The following CACNA1C variants were observed in gnomAD, a reference collection of about 807,000 sequenced individuals.
CACNA1C encodes voltage-dependent L-type calcium channel subunit alpha-1C.
A neutral mutation model predicts 229.0 loss-of-function variants in CACNA1C; 30 were observed. The observed-to-expected ratio is 0.13, with a 90% CI of 0.10 to 0.18. CACNA1C has a LOEUF of 0.18. Ranked by LOEUF, CACNA1C falls within the 10% of genes least tolerant of loss-of-function variation. The pLI, the probability that CACNA1C is intolerant of heterozygous loss-of-function variation, is 1.00. For synonymous variants in CACNA1C, 1,114 were observed against 1,132.5 expected (o/e 0.98, Z 0.33); for missense variants, 1,658 against 2,845.0 (o/e 0.58, Z 9.49).
chr12:1,979,670 G>A lies in CACNA1C; in HGVS notation c.139+8469G>A, dbSNP rs2035555152. 2.0e-5 allele frequency among the ~76,000 whole-genome samples: 3 copies of A among 152,354 alleles called. No homozygotes were observed. The South Asian group carries it at 6.2e-4, about 32-fold the overall frequency. On this transcript the variant is annotated intron_variant, in intron 1 of 46. Transcript: ENST00000682462. ...TTGTTGGATCATACGCTAGTTATAT[G>A]TTTAAGTTTATGAGAAATTGCCAAA...
chr12:2,121,022 G>A (rs989298005), intron 3 of CACNA1C, among the ~76,000 whole-genome samples: 1 of 152,188 alleles, frequency 6.6e-6, no homozygotes, highest in Non-Finnish European at 1.5e-5. Context: ...GGAAAAAGTG[G>A]AGAGTGTGTT....
At position 2,648,419 on chromosome 12, in the gene CACNA1C, C is replaced by T. The variant is rs371990932; in HGVS notation, c.3913-56C>T. The T allele has an allele frequency of 1.4e-4, 217 of 1,529,140 alleles. 1 individual carries two copies. Among genetic ancestry groups the T allele is most frequent in the Non-Finnish European group, 1.8e-4 (198 of 1,102,742 alleles). The allele number at this position is 1,529,140 out of a possible 1,614,324, so 94.7% of individuals were successfully genotyped here. ...CCGTGTCAGCCAAGACCTAGAATAC[C>T]GGGCATCTTCATGGGAGACTCATTA... is the stretch of plus-strand genomic sequence containing the variant. On this transcript the variant is annotated intron_variant, in intron 30 of 46. Transcript: ENST00000399655.
At chr12:2,553,190 G>A (rs1000630686) in intron 10 of CACNA1C, among the ~76,000 whole-genome samples, 2 of 152,158 alleles carry the variant, frequency 1.3e-5, no homozygotes, top group South Asian at 2.1e-4. Context: ...CTCGTCCTCT[G>A]GGAAAAAGAA....
chr12:2,005,476 A>G (rs984880516), intron 1 of CACNA1C, among the ~76,000 whole-genome samples: 13 of 152,258 alleles, frequency 8.5e-5, no homozygotes, highest in African/African-American at 2.9e-4. Flanking sequence ...GAAAATAAAT[A>G]AAGTGTGCCT....
At chr12:2,106,867 G>A (rs1338263270) in intron 1 of CACNA1C, among the ~76,000 whole-genome samples, 19 of 69,254 alleles carry the variant, frequency 2.7e-4, no homozygotes, top group Middle Eastern at 8.5e-3. Context: ...CCCTGGAGAG[G>A]GTTTCCACCT....
chr12:2,239,136 C>T (rs940641478), intron 3 of CACNA1C, among the ~76,000 whole-genome samples: 8 of 152,140 alleles, frequency 5.3e-5, no homozygotes, highest in East Asian at 3.8e-4. Context: ...GGAAAGCGTC[C>T]GTGGGCAGGG....
chr12:2,154,571 T>C (rs551113750), intron 3 of CACNA1C, among the ~76,000 whole-genome samples: 198 of 152,234 alleles, frequency 1.3e-3, no homozygotes, highest in Non-Finnish European at 2.6e-3. Flanking sequence ...TGGAGTCCTG[T>C]GTTTGCAGCT....
intron 9 of CACNA1C, among the ~76,000 whole-genome samples, chr12:2,538,685 C>G (rs1330280833): frequency 6.6e-6 from 1 of 152,172 alleles, no homozygotes; most frequent in African/African-American, 2.4e-5. Flanking sequence ...ATTAGAGACT[C>G]CTAAGACTCC....
At chr12:2,249,348 G>A (rs772458404) in intron 3 of CACNA1C, among the ~76,000 whole-genome samples, 5 of 152,176 alleles carry the variant, frequency 3.3e-5, no homozygotes, top group African/African-American at 4.8e-5. Flanking sequence ...ATAGCCACAC[G>A]TATCCATTTA....
rs1210863461 is a variant in CACNA1C, at chr12:2,665,381, G to A, written c.4399-200G>A. Among the ~76,000 whole-genome samples the A allele has an allele frequency of 6.6e-6, 1 of 152,162 alleles. No homozygotes were observed. Among genetic ancestry groups the A allele is most frequent in the African/African-American group, 2.4e-5 (1 of 41,452 alleles). On this transcript the variant is annotated intron_variant, in intron 35 of 46. Coordinates refer to ENST00000399655, the MANE Select transcript of CACNA1C (RefSeq NM_000719.7). This position sits in a 1 kb window ranked among gnomAD's most constrained non-coding sequence, Gnocchi z 5.9. ...GAGGGAAGCTGTCCAGCCCACCTGT[G>A]GGTTCATCACACACAACTCTCAGGG...
intron 21 of CACNA1C, among the ~76,000 whole-genome samples, chr12:2,598,766 G>A (rs2070149117): frequency 6.6e-6 from 1 of 152,176 alleles, no homozygotes; most frequent in Non-Finnish European, 1.5e-5. Flanking sequence ...ATTGAATGGG[G>A]CAGTTTTTAT....
chr12:2,079,344 A>C (rs940303399), intron 1 of CACNA1C, among the ~76,000 whole-genome samples: 2 of 152,228 alleles, frequency 1.3e-5, no homozygotes, highest in African/African-American at 4.8e-5. Flanking sequence ...ACAATTTACC[A>C]TAGACTGGGT....
rs1433081295 is a variant in CACNA1C, at chr12:2,646,712, AGG to A, written c.3913-1762_3913-1761del. Among the ~76,000 whole-genome samples, 1 of 151,924 alleles carries A rather than the reference AGG, an allele frequency of 6.6e-6. No homozygotes were observed. The highest frequency in any genetic ancestry group is 1.5e-5 in the Non-Finnish European group (1 of 68,000). On this transcript the variant is annotated intron_variant, in intron 30 of 46. Transcript: ENST00000399655. This position sits in a 1 kb window ranked among gnomAD's most constrained non-coding sequence, Gnocchi z 4.6. ...TCACACACCAGAGCAAAAGGGGTTT[AGG>A]TGCTTTGCCAAGAAATTTCTTCTGT...
intron 9 of CACNA1C, chr12:2,547,389 G>A (rs2099883372): frequency 1.3e-6 from 1 of 770,626 alleles, no homozygotes; most frequent in Non-Finnish European, 2.4e-6. Flanking sequence ...GTGGCTGACT[G>A]CGTGTGCTCT....
rs1021704991 is a variant in CACNA1C at position 1,971,758 on chromosome 12, G to C, written c.139+557G>C. On this transcript the variant is annotated intron_variant, in intron 1 of 46. Transcript: ENST00000682462. This position sits in a 1 kb window ranked among gnomAD's most constrained non-coding sequence, Gnocchi z 4.2. ...TTAGCATGGTGCATTAGTTCATTTT[G>C]CATGTTCTTTGGGGATTTGCCTTAT... 6.6e-6 allele frequency among the ~76,000 whole-genome samples: 1 copy of C among 152,094 alleles called. No homozygotes were observed. Among genetic ancestry groups the C allele is most frequent in the African/African-American group, 2.4e-5 (1 of 41,440 alleles).
At chr12:2,098,531 A>G (rs1196988235) in intron 1 of CACNA1C, among the ~76,000 whole-genome samples, 1 of 152,202 alleles carries the variant, frequency 6.6e-6, no homozygotes, top group Non-Finnish European at 1.5e-5. Flanking sequence ...TCCCCTGACA[A>G]TGGAAGAATT....
intron 1 of CACNA1C, among the ~76,000 whole-genome samples, chr12:2,096,174 A>AT (rs777714248): frequency 2.6e-5 from 4 of 152,180 alleles, no homozygotes; most frequent in Non-Finnish European, 5.9e-5. Flanking sequence ...CCGATGCCTG[A>AT]TTTTTAACGG....
At chr12:2,221,462 T>C (rs1368221339) in intron 3 of CACNA1C, among the ~76,000 whole-genome samples, 2 of 152,150 alleles carry the variant, frequency 1.3e-5, no homozygotes, top group African/African-American at 4.8e-5. Flanking sequence ...GAGGCAGAGT[T>C]GCCAGGGCCT....
intron 3 of CACNA1C, among the ~76,000 whole-genome samples, chr12:2,398,205 A>G (rs528549456): frequency 6.6e-6 from 1 of 152,336 alleles, no homozygotes; most frequent in African/African-American, 2.4e-5. Flanking sequence ...TCTTGGGCAA[A>G]ATCCAATAGC....
Sources: allele counts gnomAD v4.1 joint callset (sites outside exome capture counted in the v4.1 genomes callset), GRCh38; gene constraint gnomAD v4.1.1; non-coding constraint Gnocchi (gnomAD v3.1); transcripts MANE v1.5; gene names NCBI Gene and HGNC (gene_info 2026-07-23, HGNC 2026-07-21).